The following NOL4 variants were observed in gnomAD, a reference collection of about 807,000 sequenced individuals.
NOL4 encodes the protein nucleolar protein 4.
NOL4 carries 17 observed loss-of-function variants against 75.9 expected under a neutral mutation model. The ratio of observed to expected loss-of-function variants is 0.22; its 90% CI spans 0.15 to 0.34. The LOEUF is 0.34. Among genes scored for constraint, NOL4 ranks in the 10% least tolerant of loss-of-function variants. The pLI, the probability that NOL4 is intolerant of heterozygous loss-of-function variation, is 1.00. For synonymous variants in NOL4, 292 were observed against 289.9 expected (o/e 1.01, Z -0.07); for missense variants, 614 against 793.5 (o/e 0.77, Z 2.72).
chr18:33,941,285 G>T (rs1211937232), intron 9 of NOL4, among the ~76,000 whole-genome samples: 1 of 151,826 alleles, frequency 6.6e-6, no homozygotes, highest in Non-Finnish European at 1.5e-5. Flanking sequence ...TGATATTATA[G>T]GTAGTATATA....
At chr18:34,128,904 G>A (rs1389832361) in intron 2 of NOL4, 2 of 963,416 alleles carry the variant, frequency 2.1e-6, no homozygotes, top group African/African-American at 1.8e-5. Flanking sequence ...AAAAAAAATG[G>A]ATCCAGACTG....
At chr18:33,860,981 A>G in intron 10 of NOL4, among the ~76,000 whole-genome samples, 1 of 152,206 alleles carries the variant, frequency 6.6e-6, no homozygotes, top group Non-Finnish European at 1.5e-5. Context: ...CGAGGGATGA[A>G]GCTCACTTGA....
intron 9 of NOL4, among the ~76,000 whole-genome samples, chr18:33,885,150 A>T (rs184617583): frequency 6.8e-6 from 1 of 147,564 alleles, no homozygotes; most frequent in African/African-American, 2.5e-5. Flanking sequence ...TTTTCCAAGC[A>T]TTACTTTTTT....
chr18:33,951,122 A>G (rs952744671), intron 8 of NOL4, among the ~76,000 whole-genome samples: 2 of 152,146 alleles, frequency 1.3e-5, no homozygotes, highest in Non-Finnish European at 2.9e-5. Context: ...GATGCTCACC[A>G]ATGCTGCTAA....
intron 9 of NOL4, among the ~76,000 whole-genome samples, chr18:33,937,116 T>C (rs1599934253): frequency 6.6e-6 from 1 of 152,078 alleles, no homozygotes; most frequent in East Asian, 1.9e-4. Context: ...AAATACAAAT[T>C]TTATGTTAAA....
intron 10 of NOL4, among the ~76,000 whole-genome samples, chr18:33,881,175 C>T (rs919740669): frequency 1.1e-3 from 169 of 150,800 alleles, no homozygotes; most frequent in African/African-American, 3.9e-3. Flanking sequence ...TTGTCTGTTG[C>T]TGGTGTATAA....
intron 5 of NOL4, among the ~76,000 whole-genome samples, chr18:34,063,381 T>A (rs4799742): frequency 0.38 from 58,191 of 151,870 alleles, 11,650 homozygotes; most frequent in South Asian, 0.53. Context: ...TATCATCCCA[T>A]TACTTAATAT....
At chr18:34,044,498 A>G (rs544243837) in intron 5 of NOL4, among the ~76,000 whole-genome samples, 2 of 152,190 alleles carry the variant, frequency 1.3e-5, no homozygotes, top group East Asian at 3.9e-4. Flanking sequence ...ATTTTTTGTT[A>G]TACTAAGAAG....
intron 10 of NOL4, among the ~76,000 whole-genome samples, chr18:33,873,394 A>G (rs2063787209): frequency 6.6e-6 from 1 of 151,898 alleles, no homozygotes; most frequent in Non-Finnish European, 1.5e-5. Context: ...AGAAAAGCAC[A>G]TTTTCCTATG....
intron 6 of NOL4, among the ~76,000 whole-genome samples, chr18:34,004,235 T>C (rs541020017): frequency 4.6e-5 from 7 of 152,174 alleles, no homozygotes; most frequent in African/African-American, 1.2e-4. Context: ...CATGTATTGA[T>C]TGATGTCTTA....
intron 10 of NOL4, among the ~76,000 whole-genome samples, chr18:33,870,800 G>T (rs1419929379): frequency 1.3e-5 from 2 of 151,932 alleles, no homozygotes; most frequent in Non-Finnish European, 2.9e-5. Context: ...CCTAAATTCA[G>T]AAGACTGTAC....
intron 9 of NOL4, among the ~76,000 whole-genome samples, chr18:33,886,611 T>G (rs2064674207): frequency 6.6e-6 from 1 of 150,456 alleles, no homozygotes; most frequent in Non-Finnish European, 1.5e-5. Context: ...CAATAATAAC[T>G]TAGTTTCACA....
intron 1 of NOL4, among the ~76,000 whole-genome samples, chr18:34,161,246 G>A (rs990865382): frequency 1.3e-5 from 2 of 151,930 alleles, no homozygotes; most frequent in Non-Finnish European, 2.9e-5. Context: ...ATCATATCTT[G>A]GCTATTGTGC....
intron 3 of NOL4, among the ~76,000 whole-genome samples, chr18:34,104,803 GA>G (rs148936160): frequency 6.6e-6 from 1 of 151,872 alleles, no homozygotes; most frequent in Non-Finnish European, 1.5e-5. Context: ...TATAATAAAT[GA>G]AAATTAAAAC....
intron 6 of NOL4, among the ~76,000 whole-genome samples, chr18:34,006,189 T>C (rs1600225078): frequency 6.6e-6 from 1 of 152,082 alleles, no homozygotes; most frequent in East Asian, 1.9e-4. Flanking sequence ...GATCCAAAGA[T>C]TGTTCCAAAT....
chr18:34,152,421 A>G (rs922344833), intron 1 of NOL4, among the ~76,000 whole-genome samples: 1 of 151,932 alleles, frequency 6.6e-6, no homozygotes, highest in Non-Finnish European at 1.5e-5. Flanking sequence ...AAAACAAAAT[A>G]GTCTAATCTT....
intron 1 of NOL4, among the ~76,000 whole-genome samples, chr18:34,167,535 G>C (rs1168363533): frequency 1.4e-5 from 2 of 139,938 alleles, no homozygotes; most frequent in East Asian, 3.9e-4. Context: ...CAAATAATTA[G>C]ATAGATAGAT....
At chr18:34,174,531 CT>C (rs1206954890) in intron 1 of NOL4, among the ~76,000 whole-genome samples, 1 of 151,440 alleles carries the variant, frequency 6.6e-6, no homozygotes, top group Admixed American at 6.6e-5. Context: ...ATTTTTTTTC[CT>C]TTTTTTATTG....
At chr18:33,888,531 C>G (rs1352943865) in intron 9 of NOL4, among the ~76,000 whole-genome samples, 4 of 152,098 alleles carry the variant, frequency 2.6e-5, no homozygotes, top group African/African-American at 9.7e-5. Context: ...AGGTTTTCTT[C>G]TAGGGTTTTT....
Sources: allele counts gnomAD v4.1 joint callset (sites outside exome capture counted in the v4.1 genomes callset), GRCh38; gene constraint gnomAD v4.1.1; transcripts MANE v1.5; gene names NCBI Gene and HGNC (gene_info 2026-07-23, HGNC 2026-07-21).